HEATR5A: variants seen among roughly 807,000 people sequenced by gnomAD.
HEATR5A encodes HEAT repeat containing 5A, also known as HEAT repeat-containing protein 5A.
Under a neutral mutation model 218.8 loss-of-function variants are expected in HEATR5A, and 178 were observed. That is an observed-to-expected ratio of 0.81 (90% CI 0.72 to 0.92). The LOEUF (loss-of-function observed/expected upper bound fraction) is 0.92. Among genes scored for constraint, HEATR5A ranks in the 40% least tolerant of loss-of-function variants. The pLI is 0.00. For synonymous variants in HEATR5A, 864 were observed against 871.6 expected (o/e 0.99, Z 0.15); for missense variants, 2,420 against 2,418.9 (o/e 1.00, Z -0.01).
Position 31,309,155 on chromosome 14 carries a change from C to T in HEATR5A, c.4469G>A (p.Ser1490Asn). Residue 1490 changes from serine (S) to asparagine (N), a missense_variant, in exon 29 of 36, where the codon AGT (serine) becomes AAT (asparagine). Physicochemically the swap from Ser to Asn is conservative, Grantham distance 46. Coordinates refer to ENST00000543095, the MANE Select transcript of HEATR5A (RefSeq NM_015473.4). ...EGGAFYTAET[S>N]ENAKLHYYNS... Reference sequence around the variant, plus strand: ...GTAATAATGCAATTTTGCATTTTCACTAGTCTCTGCTGTGTAGAAAGCACC... The same window carrying T: ...GTAATAATGCAATTTTGCATTTTCATTAGTCTCTGCTGTGTAGAAAGCACC... 1 of 1,613,970 alleles carries T rather than the reference C, an allele frequency of 6.2e-7. No individual in the cohort carries two copies. The highest frequency in any genetic ancestry group is 8.5e-7 in the Non-Finnish European group (1 of 1,179,852).
chr14:31,358,516 T>C, intron 16 of HEATR5A, 121 bp downstream of exon 16: 1 of 906,808 alleles, frequency 1.1e-6, no homozygotes, highest in Non-Finnish European at 1.7e-6. Flanking sequence ...AAACAAAAAC[T>C]TATATTTCAC....
chr14:31,397,025 T>TA (rs756425339), intron 4 of HEATR5A, among the ~76,000 whole-genome samples: 4 of 152,084 alleles, frequency 2.6e-5, no homozygotes, highest in African/African-American at 7.2e-5. Context: ...TTACAGGTAT[T>TA]AAAAAAAATC....
chr14:31,380,612 AT>A, intron 10 of HEATR5A, 34 bp from the exon 11 acceptor site: 2 of 1,336,980 alleles, frequency 1.5e-6, no homozygotes, highest in Non-Finnish European at 2.1e-6. Context: ...TAAAAAAAGC[AT>A]ATCAGTTTAT....
At chr14:31,376,349 C>T (rs1458697126) in intron 11 of HEATR5A, among the ~76,000 whole-genome samples, 1 of 151,986 alleles carries the variant, frequency 6.6e-6, no homozygotes, top group East Asian at 1.9e-4. Flanking sequence ...AATCTTTCTA[C>T]AAAAAAGTAA....
At position 31,394,235 on chromosome 14, in the gene HEATR5A, T is replaced by C. The variant is rs750445788; in HGVS notation, c.598-9A>G. 1.3e-4 allele frequency: 182 copies of C among 1,442,456 alleles called. No homozygotes were observed. The highest frequency in any genetic ancestry group is 1.6e-4 in the Non-Finnish European group (172 of 1,098,496). 89.4% of individuals were successfully genotyped at this position (1,442,456 alleles called of 1,614,324 possible). On this transcript the variant is annotated splice_polypyrimidine_tract_variant and intron_variant, in intron 5 of 35. Coordinates refer to ENST00000543095, the MANE Select transcript of HEATR5A (RefSeq NM_015473.4). ...TGAAGTTCAAGGAGACACTATTCAA[T>C]TGGACAAAGAGAAATTAATGAAAAA...
chr14:31,321,401 C>T (rs1022230222), intron 25 of HEATR5A, 98 bp downstream of exon 25: 9 of 950,796 alleles, frequency 9.5e-6, no homozygotes, highest in South Asian at 8.8e-5. Flanking sequence ...CTTGGCCTCC[C>T]GAAGTGCTGG....
chr14:31,408,523 T>C (rs56314035), intron 1 of HEATR5A, among the ~76,000 whole-genome samples: 54,103 of 151,840 alleles, frequency 0.36, 10,736 homozygotes, highest in Non-Finnish European at 0.44. Context: ...AATGGAAAAA[T>C]TGAAGAACCA....
intron 28 of HEATR5A, among the ~76,000 whole-genome samples, chr14:31,309,740 T>C (rs10148707): frequency 0.091 from 13,858 of 152,076 alleles, 1,098 homozygotes; most frequent in East Asian, 0.21. Context: ...CTTTTTTTTT[T>C]CAGACAGTCT....
chr14:31,337,045 A>ACT (rs1402849450), intron 22 of HEATR5A, among the ~76,000 whole-genome samples: 1 of 152,234 alleles, frequency 6.6e-6, no homozygotes, highest in Non-Finnish European at 1.5e-5. Flanking sequence ...AAACATAGAA[A>ACT]AAGTACAGTG....
In HEATR5A at chr14:31,305,144, G is replaced by C. The variant is rs781108168; in HGVS notation, c.5000C>G (p.Pro1667Arg). 1 of 1,613,822 alleles carries C rather than the reference G, an allele frequency of 6.2e-7. No individual in the cohort carries two copies. The highest frequency in any genetic ancestry group is 8.5e-7 in the Non-Finnish European group (1 of 1,179,854). ...DDGAAEKETL[P>R]EFGEGKDTGG... is the part of the protein sequence containing the mutation. ...GGTGTCCTTTCCCTCTCCAAACTCT[G>C]GCAGAGTTTCCTTTTCAGCAGCCCC... The change falls in exon 32 of 36, where the codon CCA becomes CGA. Residue 1667 changes from proline (P) to arginine (R), a missense_variant. By Grantham distance (103) the Pro-to-Arg change is moderately radical. Transcript: ENST00000543095.
At chr14:31,329,991 G>A (rs917685867) in intron 22 of HEATR5A, among the ~76,000 whole-genome samples, 4 of 152,220 alleles carry the variant, frequency 2.6e-5, no homozygotes, top group South Asian at 2.1e-4. Flanking sequence ...GATTATGGGC[G>A]TGAGCCATCA....
intron 29 of HEATR5A, among the ~76,000 whole-genome samples, chr14:31,308,505 C>CAAAA (rs1899627673): frequency 1.8e-5 from 1 of 56,628 alleles, no homozygotes; most frequent in Admixed American, 1.8e-4. Context: ...AAAACTCTGT[C>CAAAA]TAAAAAAAAA....
At chr14:31,293,663 A>G (rs1222058018) in intron 35 of HEATR5A, 51 bp from the exon 36 acceptor site, 2 of 1,479,698 alleles carry the variant, frequency 1.4e-6, no homozygotes, top group African/African-American at 1.4e-5. Flanking sequence ...GTTTCTAACA[A>G]AAGCCTGCAA....
chr14:31,414,698 C>T (rs903596994), intron 1 of HEATR5A, among the ~76,000 whole-genome samples: 2 of 152,168 alleles, frequency 1.3e-5, no homozygotes, highest in Non-Finnish European at 2.9e-5. Flanking sequence ...TTAGACTCTA[C>T]CTGCTTTGGA....
At chr14:31,331,395 CAA>C (rs1282591857) in intron 22 of HEATR5A, among the ~76,000 whole-genome samples, 6 of 152,176 alleles carry the variant, frequency 3.9e-5, no homozygotes, top group Non-Finnish European at 8.8e-5. Context: ...TTCCTCAACT[CAA>C]TCTAAGACCA....
Position 31,309,135 on chromosome 14 carries a change from A to G in HEATR5A, c.4489T>C (p.Tyr1497His). The G allele has an allele frequency of 6.2e-7, 1 of 1,613,972 alleles. No individual in the cohort carries two copies. Among genetic ancestry groups the G allele is most frequent in the Non-Finnish European group, 8.5e-7 (1 of 1,179,864 alleles). Residue 1497 changes from tyrosine to histidine, a missense_variant, in exon 29 of 36, where the codon TAT becomes CAT. By Grantham distance (83) the Tyr-to-His change is moderately conservative (BLOSUM62 2). Transcript: ENST00000543095. ...AETSENAKLH[Y>H]YNSWALILHA... ...AGGATAAGTGCCCAGGAGTTGTAAT[A>G]ATGCAATTTTGCATTTTCACTAGTC... is the stretch of plus-strand genomic sequence containing the variant.
rs58661759 is a variant in HEATR5A, at chr14:31,334,945, C to CAA, written c.3367+2529_3367+2530dup. Among the ~76,000 whole-genome samples, 525 of 96,376 alleles carry CAA rather than the reference C, an allele frequency of 5.4e-3. 6 individuals carry two copies. Among genetic ancestry groups the CAA allele is most frequent in the South Asian group, 8.5e-3 (24 of 2,834 alleles). The allele number at this position is 96,376 out of a possible 152,430, so 63.2% of individuals were successfully genotyped here. A position where few individuals can be genotyped will look rare whatever the true frequency, so the allele number is the denominator to read the frequency against. On this transcript the variant is annotated intron_variant, in intron 22 of 35. Transcript: ENST00000543095. ...TGGGTGACAGAGCAAGATTCCATCT[C>CAA]AAAAAAAAAAAAAAAAAAAAGAAAA...
intron 13 of HEATR5A, among the ~76,000 whole-genome samples, chr14:31,366,921 T>G (rs1375584380): frequency 6.6e-6 from 1 of 152,196 alleles, no homozygotes; most frequent in African/African-American, 2.4e-5. Flanking sequence ...TCTCTTAATC[T>G]GATAGAGTAT....
intron 1 of HEATR5A, among the ~76,000 whole-genome samples, chr14:31,406,315 G>A (rs1482655805): frequency 6.6e-6 from 1 of 152,106 alleles, no homozygotes; most frequent in Non-Finnish European, 1.5e-5. Context: ...TCAAAGTATA[G>A]TTAGTTGCCA....
Sources: gnomAD v4.1 joint callset for allele counts (sites outside exome capture counted in the v4.1 genomes callset) on GRCh38, gnomAD v4.1.1 for gene constraint, MANE v1.5 for transcripts, NCBI Gene and HGNC (gene_info 2026-07-23, HGNC 2026-07-21) for gene names.